Variants in CYBB observed in about 807,000 individuals in gnomAD.
The protein encoded by CYBB is NADPH oxidase 2.
A neutral mutation model predicts 46.5 loss-of-function variants in CYBB; 5 were observed. The ratio of observed to expected loss-of-function variants is 0.11; its 90% CI spans 0.06 to 0.23. The LOEUF (loss-of-function observed/expected upper bound fraction) is 0.23. Among genes scored for constraint, CYBB ranks in the 10% least tolerant of loss-of-function variants. The pLI is 1.00. For synonymous variants in CYBB, 183 were observed against 156.7 expected (o/e 1.17, Z -1.26); for missense variants, 307 against 428.3 (o/e 0.72, Z 2.50).
intron 12 of CYBB, 105 bp from the exon 13 acceptor site, chrX:37,810,686 G>A: frequency 1.2e-6 from 1 of 824,908 alleles, no homozygotes; most frequent in East Asian, 3.3e-5. Flanking sequence ...AAGGAGCAGA[G>A]GGGACTCTGC....
intron 3 of CYBB, among the ~76,000 whole-genome samples, chrX:37,791,721 G>A (rs782364764): frequency 9.0e-6 from 1 of 111,554 alleles, no homozygotes; most frequent in South Asian, 3.8e-4. Context: ...GATTCCAGAG[G>A]AGACTTTATG....
chrX:37,793,966 A>G (rs1169220735), intron 5 of CYBB, among the ~76,000 whole-genome samples, 156 bp downstream of exon 5: 3 of 110,412 alleles, frequency 2.7e-5, no homozygotes, highest in Non-Finnish European at 5.7e-5. Flanking sequence ...GAGTATAGAA[A>G]AAAATGTCTC....
intron 7 of CYBB, 116 bp downstream of exon 7, chrX:37,799,200 GA>G: frequency 2.8e-6 from 2 of 726,542 alleles, no homozygotes; most frequent in East Asian, 3.3e-5. Flanking sequence ...AAATGTCATG[GA>G]ACAGCTAAAA....
intron 1 of CYBB, among the ~76,000 whole-genome samples, chrX:37,781,832 A>C (rs1928957930): frequency 8.9e-6 from 1 of 111,959 alleles, no homozygotes; most frequent in South Asian, 3.7e-4. Context: ...GGGTAATGTA[A>C]GACTGATAAT....
At chrX:37,800,290 A>G (rs1447541140) in intron 7 of CYBB, among the ~76,000 whole-genome samples, 1 of 111,492 alleles carries the variant, frequency 9.0e-6, no homozygotes, top group Non-Finnish European at 1.9e-5. Context: ...AAACAGATAG[A>G]TGATTTGAGA....
At chrX:37,807,332 G>T (rs1039640526) in intron 11 of CYBB, among the ~76,000 whole-genome samples, 27 of 108,888 alleles carry the variant, frequency 2.5e-4, no homozygotes, top group African/African-American at 8.3e-4. Context: ...ATTTTAATAT[G>T]TATTTATATA....
chrX:37,792,134 C>T lies in CYBB; in HGVS notation c.337+75C>T, dbSNP rs1008596885. 5 of 669,146 alleles carry T rather than the reference C, an allele frequency of 7.5e-6. No individual in the cohort carries two copies. In the South Asian group the frequency reaches 1.1e-4, roughly 15 times the overall value. The allele number at this position is 669,146 out of a possible 1,213,427, so 55.1% of individuals were successfully genotyped here. ...GATACCTTTTTATATAGGAGATCAACCAGTTTTATAGTTAGATTAAGTGGT... is the reference window on the plus strand; with the variant it reads ...GATACCTTTTTATATAGGAGATCAATCAGTTTTATAGTTAGATTAAGTGGT... On this transcript the variant is annotated intron_variant, in intron 4 of 12. Transcript: ENST00000378588.
rs34290745 is a variant in CYBB at position 37,805,188 on chromosome X, G to A, written c.1314+20G>A. 4.3e-4 allele frequency: 521 copies of A among 1,203,839 alleles called. 1 individual carries two copies. In the African/African-American group the frequency reaches 7.1e-3, roughly 16 times the overall value. On this transcript the variant is annotated intron_variant, in intron 10 of 12. Transcript: ENST00000378588. ...AAAAAGGTAAGTCCTTTCATTTATC[G>A]GAGGGCCTTAGAGCAGTAACCATAC...
chrX:37,809,885 G>A (rs1874739448), intron 12 of CYBB, among the ~76,000 whole-genome samples, 194 bp downstream of exon 12: 1 of 111,689 alleles, frequency 9.0e-6, no homozygotes, highest in African/African-American at 3.3e-5. Flanking sequence ...CAAATTACCT[G>A]GAGATTAATT....
At chrX:37,780,524 C>T (rs782116947) in intron 1 of CYBB, among the ~76,000 whole-genome samples, 1 of 111,157 alleles carries the variant, frequency 9.0e-6, no homozygotes, top group African/African-American at 3.3e-5. Flanking sequence ...ATAAGATTGA[C>T]TCATGTATGG....
intron 12 of CYBB, 35 bp downstream of exon 12, chrX:37,809,726 T>C (rs1556472742): frequency 8.3e-7 from 1 of 1,201,181 alleles, no homozygotes; most frequent in African/African-American, 1.7e-5. Flanking sequence ...TTTTGAGGCT[T>C]GCATCTGCCT....
chrX:37,784,117 A>C (rs1245205464), intron 3 of CYBB, among the ~76,000 whole-genome samples: 1 of 110,728 alleles, frequency 9.0e-6, no homozygotes, highest in Non-Finnish European at 1.9e-5. Flanking sequence ...AATTCCTTTG[A>C]CTCTCACTCC....
intron 10 of CYBB, among the ~76,000 whole-genome samples, chrX:37,805,641 T>A (rs1556471374): frequency 9.0e-6 from 1 of 111,615 alleles, no homozygotes; most frequent in African/African-American, 3.3e-5. Context: ...ATTGAGAGGA[T>A]ATTGAATAAT....
At position 37,801,270 on chromosome X, in the gene CYBB, A is replaced by C; in HGVS notation, c.819A>C (p.Ile273=). Residue 273 remains isoleucine, a synonymous_variant, in exon 8 of 13, where the codon ATA becomes ATC. Transcript: ENST00000378588. ...TCTGATTACAGACTTGGAAATGGAT[A>C]GTGGGTCCCATGTTTCTGTATCTCT... ...AGNPPMTWKW[I]VGPMFLYLCE... is the part of the protein sequence containing the mutation. 8.3e-7 allele frequency: 1 copy of C among 1,204,646 alleles called. No individual in the cohort carries two copies. The highest frequency in any genetic ancestry group is 1.1e-6 in the Non-Finnish European group (1 of 889,362).
At position 37,804,056 on chromosome X, in the gene CYBB, G is replaced by A. The variant is rs1374154170; in HGVS notation, c.1077G>A (p.Gly359=). Residue 359 remains glycine, a synonymous_variant, in exon 9 of 13, where the codon GGG becomes GGA. Transcript: ENST00000378588. Reference sequence around the variant, plus strand: ...TTAGTATCCATATCCGCATCGTTGGGGACTGGACAGAGGGGCTGTTCAATG... The same window carrying A: ...TTAGTATCCATATCCGCATCGTTGGAGACTGGACAGAGGGGCTGTTCAATG... ...DFFSIHIRIV[G]DWTEGLFNAC... 24 of 1,208,892 alleles carry A rather than the reference G, an allele frequency of 2.0e-5. No individual in the cohort carries two copies. Among genetic ancestry groups the A allele is most frequent in the Non-Finnish European group, 2.2e-5 (20 of 894,656 alleles).
intron 3 of CYBB, 50 bp downstream of exon 3, chrX:37,783,650 G>A: frequency 1.2e-6 from 1 of 834,232 alleles, no homozygotes; most frequent in Non-Finnish European, 1.8e-6. Flanking sequence ...AGGCCATCAA[G>A]CAAAATGCCC....
At chrX:37,803,388 A>G (rs1486886003) in intron 8 of CYBB, among the ~76,000 whole-genome samples, 1 of 111,202 alleles carries the variant, frequency 9.0e-6, no homozygotes, top group African/African-American at 3.3e-5. Flanking sequence ...TAAATTTTTT[A>G]GCACTTTTTT....
intron 7 of CYBB, among the ~76,000 whole-genome samples, chrX:37,800,069 G>A (rs1324737222): frequency 2.7e-5 from 3 of 111,051 alleles, no homozygotes; most frequent in Non-Finnish European, 5.7e-5. Context: ...CAGTGAATTG[G>A]CTCCACTACA....
At chrX:37,780,682 G>C (rs1928933314) in intron 1 of CYBB, among the ~76,000 whole-genome samples, 2 of 109,630 alleles carry the variant, frequency 1.8e-5, no homozygotes, top group African/African-American at 6.6e-5. Flanking sequence ...ATTGAAATAA[G>C]TCATCTAGAT....
Sources: allele counts gnomAD v4.1 joint callset (sites outside exome capture counted in the v4.1 genomes callset), GRCh38; gene constraint gnomAD v4.1.1; transcripts MANE v1.5; gene names NCBI Gene and HGNC (gene_info 2026-07-23, HGNC 2026-07-21).